The following EIF2B3 variants were observed in gnomAD, a reference collection of about 807,000 sequenced individuals.
EIF2B3 encodes eukaryotic translation initiation factor 2B subunit gamma.
Under a neutral mutation model 54.1 loss-of-function variants are expected in EIF2B3, and 20 were observed. The observed-to-expected ratio is 0.37, with a 90% CI of 0.26 to 0.54. The LOEUF (loss-of-function observed/expected upper bound fraction) is 0.54. Among genes scored for constraint, EIF2B3 ranks in the 20% least tolerant of loss-of-function variants. The pLI is 0.86. For synonymous variants in EIF2B3, 153 were observed against 188.1 expected (o/e 0.81, Z 1.52); for missense variants, 448 against 547.8 (o/e 0.82, Z 1.82).
intron 3 of EIF2B3, among the ~76,000 whole-genome samples, chr1:44,958,124 G>T (rs1644247428): frequency 6.6e-6 from 1 of 152,174 alleles, no homozygotes; most frequent in African/African-American, 2.4e-5. Flanking sequence ...GCCGGTTGAA[G>T]ATGAAATCCA....
At chr1:44,852,115 ATTTTTTTT>A (rs34314171) in intron 11 of EIF2B3, among the ~76,000 whole-genome samples, 23 of 133,270 alleles carry the variant, frequency 1.7e-4, no homozygotes, top group Admixed American at 3.0e-4. Context: ...CACATGGCTA[ATTTTTTTT>A]TTTTTTTTTT....
intron 1 of EIF2B3, among the ~76,000 whole-genome samples, chr1:44,983,022 G>A (rs1463265219): frequency 6.6e-6 from 1 of 152,066 alleles, no homozygotes; most frequent in African/African-American, 2.4e-5. Context: ...TGCCCACCTT[G>A]GCCTCCCAAA....
At chr1:44,935,454 T>A (rs77716222) in intron 4 of EIF2B3, among the ~76,000 whole-genome samples, 1,621 of 152,314 alleles carry the variant, frequency 0.011, 33 homozygotes, top group African/African-American at 0.037. Flanking sequence ...GTCTTTACTG[T>A]TTGATGTTTG....
intron 4 of EIF2B3, among the ~76,000 whole-genome samples, chr1:44,937,543 G>A (rs569233462): frequency 2.0e-5 from 3 of 152,128 alleles, no homozygotes; most frequent in East Asian, 1.9e-4. Flanking sequence ...ATATGTGTTC[G>A]GAGGAGAAAG....
At chr1:44,916,397 A>G (rs1004973060) in intron 5 of EIF2B3, among the ~76,000 whole-genome samples, 2 of 150,474 alleles carry the variant, frequency 1.3e-5, no homozygotes, top group Non-Finnish European at 3.0e-5. Flanking sequence ...ATTTTTTTTT[A>G]TTTTTATTTT....
intron 3 of EIF2B3, among the ~76,000 whole-genome samples, chr1:44,944,173 A>G (rs1307933221): frequency 6.6e-6 from 1 of 152,122 alleles, no homozygotes; most frequent in Non-Finnish European, 1.5e-5. Flanking sequence ...AACATAGTTT[A>G]GGGCCAGGCA....
intron 3 of EIF2B3, among the ~76,000 whole-genome samples, chr1:44,970,726 G>A (rs1005462484): frequency 6.6e-6 from 1 of 152,184 alleles, no homozygotes; most frequent in Non-Finnish European, 1.5e-5. Flanking sequence ...ACAAGTTTAT[G>A]TTAATTCTAA....
At chr1:44,877,192 T>TAAAAAAAAAAAAAAA (rs768263508) in intron 8 of EIF2B3, among the ~76,000 whole-genome samples, 9 of 52,078 alleles carry the variant, frequency 1.7e-4, no homozygotes, top group African/African-American at 8.0e-4. Context: ...GAATGATCAA[T>TAAAAAAAAAAAAAAA]AAAAAAAAAA....
chr1:44,856,114 T>C (rs909042198), intron 11 of EIF2B3, among the ~76,000 whole-genome samples: 3 of 152,116 alleles, frequency 2.0e-5, no homozygotes, highest in Non-Finnish European at 2.9e-5. Context: ...TATGAGGAAT[T>C]CTAAGTCTTT....
chr1:44,953,499 G>A (rs1358285989), intron 3 of EIF2B3, among the ~76,000 whole-genome samples: 6 of 152,080 alleles, frequency 3.9e-5, no homozygotes, highest in African/African-American at 1.2e-4. Context: ...AGTTCTTGCC[G>A]GGTGCAGTGG....
In EIF2B3 at chr1:44,850,770, T is replaced by A. The variant is rs1474009388; in HGVS notation, c.*181A>T. 17 of 649,050 alleles carry A rather than the reference T, an allele frequency of 2.6e-5. No individual in the cohort carries two copies. Among genetic ancestry groups the A allele is most frequent in the South Asian group, 2.0e-4 (11 of 55,288 alleles). 40.2% of individuals were successfully genotyped at this position (649,050 alleles called of 1,614,324 possible). ...CAGATGATCTTTACCACATGACACA[T>A]GAACATACACTGTGTACACCTGGAG... is the stretch of plus-strand genomic sequence containing the variant. On this transcript the variant is annotated 3_prime_UTR_variant, in exon 12 of 12. Transcript: ENST00000360403.
chr1:44,972,250 AAC>A (rs765384486), intron 3 of EIF2B3, among the ~76,000 whole-genome samples: 22 of 86,464 alleles, frequency 2.5e-4, no homozygotes, highest in East Asian at 6.7e-4. Context: ...CACACACACA[AAC>A]ACACACACAC....
intron 10 of EIF2B3, among the ~76,000 whole-genome samples, chr1:44,866,743 C>G (rs1244598974): frequency 6.6e-6 from 1 of 152,090 alleles, no homozygotes; most frequent in African/African-American, 2.4e-5. Context: ...TTAGTAGAGA[C>G]GGGGTTTCAC....
chr1:44,930,413 C>A (rs1445358046), intron 4 of EIF2B3, among the ~76,000 whole-genome samples: 1 of 152,186 alleles, frequency 6.6e-6, no homozygotes, highest in African/African-American at 2.4e-5. Flanking sequence ...GTTCCCTATC[C>A]TTTATATCTG....
intron 5 of EIF2B3, among the ~76,000 whole-genome samples, chr1:44,903,019 T>C (rs1321474302): frequency 2.0e-5 from 3 of 152,114 alleles, no homozygotes; most frequent in Non-Finnish European, 2.9e-5. Flanking sequence ...TTAGGATTTC[T>C]AGGGAAGCTG....
At position 44,875,646 on chromosome 1, in the gene EIF2B3, G is replaced by C. The variant is rs199638815; in HGVS notation, c.1025C>G (p.Ser342Trp). 1.9e-6 allele frequency: 3 copies of C among 1,614,180 alleles called. No homozygotes were observed. In the South Asian group the frequency reaches 3.3e-5, roughly 18 times the overall value. ...GTGTTTGCTGACAATCTGGGCTGAC[G>C]AATGGACTGGTGGTTCTTCTGGACA... is the stretch of plus-strand genomic sequence containing the variant. ...ALCPEEPPVH[S>W]SAQIVSKHLV... The change falls in exon 9 of 12, where the codon TCG becomes TGG. Residue 342 changes from serine to tryptophan, a missense_variant. Ser to Trp is a radical substitution (Grantham distance 177, BLOSUM62 -3). This residue lies in a region of EIF2B3 where 350 missense variants were observed against 414.2 expected (regional missense o/e 0.85). Transcript: ENST00000360403.
At chr1:44,983,702 T>C (rs370432708) in intron 1 of EIF2B3, among the ~76,000 whole-genome samples, 1,712 of 151,788 alleles carry the variant, frequency 0.011, 34 homozygotes, top group African/African-American at 0.039. Context: ...TGAAACTCTG[T>C]CTCTACTAAA....
intron 11 of EIF2B3, among the ~76,000 whole-genome samples, chr1:44,855,043 G>C (rs1654393728): frequency 6.6e-6 from 1 of 151,238 alleles, no homozygotes; most frequent in East Asian, 1.9e-4. Flanking sequence ...AGTCTTGAGT[G>C]CTGCACTGAT....
intron 3 of EIF2B3, among the ~76,000 whole-genome samples, chr1:44,962,946 C>T (rs1368245652): frequency 6.6e-6 from 1 of 152,052 alleles, no homozygotes. Flanking sequence ...TCTTAAAAGA[C>T]CAGACAGCTG....
Sources: gnomAD v4.1 joint callset for allele counts (sites outside exome capture counted in the v4.1 genomes callset) on GRCh38, gnomAD v4.1.1 for gene constraint, gnomAD v4.1.1 regional missense constraint, MANE v1.5 for transcripts, NCBI Gene and HGNC (gene_info 2026-07-23, HGNC 2026-07-21) for gene names.